CRADD: variants seen among roughly 807,000 people sequenced by gnomAD.
CRADD encodes death domain-containing protein CRADD.
In CRADD, 9 loss-of-function variants were observed where a neutral mutation model predicts 15.5. That is an observed-to-expected ratio of 0.58 (90% CI 0.35 to 1.01). The LOEUF is 1.01. CRADD is among the 50% of genes least tolerant of loss of function. The pLI is 0.02. For missense variants in CRADD, 227 were observed against 250.3 expected (o/e 0.91, Z 0.63); for synonymous variants, 118 against 107.6 (o/e 1.10, Z -0.60).
At chr12:93,893,790 G>A (rs1958593264) in intron 2 of CRADD, among the ~76,000 whole-genome samples, 1 of 151,776 alleles carries the variant, frequency 6.6e-6, no homozygotes, top group East Asian at 1.9e-4. Flanking sequence ...CCTGTAATCC[G>A]AGCTACTCTG....
intron 2 of CRADD, among the ~76,000 whole-genome samples, chr12:93,689,420 A>G (rs143330484): frequency 6.6e-6 from 1 of 152,314 alleles, no homozygotes; most frequent in African/African-American, 2.4e-5. Flanking sequence ...GAGTGTATAC[A>G]TATGATTCTT....
intron 2 of CRADD, among the ~76,000 whole-genome samples, chr12:93,727,589 T>C (rs1956390965): frequency 6.6e-6 from 1 of 152,214 alleles, no homozygotes; most frequent in African/African-American, 2.4e-5. Context: ...CCAGGCCAGT[T>C]AGCAACTGAA....
intron 2 of CRADD, among the ~76,000 whole-genome samples, chr12:93,752,419 G>T (rs1436053325): frequency 6.6e-6 from 1 of 152,166 alleles, no homozygotes; most frequent in African/African-American, 2.4e-5. Context: ...AACTACTGAG[G>T]CTATAGGCCC....
At chr12:93,735,792 G>T (rs1956556860) in intron 2 of CRADD, 1 of 149,852 alleles carries the variant, frequency 6.7e-6, no homozygotes, top group African/African-American at 2.5e-5. Context: ...AAAAATACTA[G>T]ATCTAGAACC....
intron 2 of CRADD, among the ~76,000 whole-genome samples, chr12:93,879,865 C>A (rs1470063516): frequency 6.6e-6 from 1 of 152,184 alleles, no homozygotes; most frequent in Admixed American, 6.5e-5. Context: ...TCTTGTCAAG[C>A]GTCCTACAAT....
intron 2 of CRADD, among the ~76,000 whole-genome samples, chr12:93,741,730 A>G (rs1956670069): frequency 6.6e-6 from 1 of 152,214 alleles, no homozygotes; most frequent in Non-Finnish European, 1.5e-5. Flanking sequence ...AGAGGCTGAT[A>G]AAATACTACT....
intron 2 of CRADD, among the ~76,000 whole-genome samples, chr12:93,754,008 G>A (rs1012260591): frequency 4.6e-5 from 7 of 152,226 alleles, no homozygotes; most frequent in Non-Finnish European, 5.9e-5. Context: ...TGAGCGCTCC[G>A]CCCCTGCAGC....
intron 2 of CRADD, among the ~76,000 whole-genome samples, chr12:93,868,313 C>G (rs561928033): frequency 1.3e-5 from 2 of 152,148 alleles, no homozygotes; most frequent in Middle Eastern, 6.8e-3. Flanking sequence ...CTTTTGTGGT[C>G]CACTCTTATA....
chr12:93,819,606 A>G (rs1052635649), intron 2 of CRADD, among the ~76,000 whole-genome samples: 1 of 152,252 alleles, frequency 6.6e-6, no homozygotes, highest in Non-Finnish European at 1.5e-5. Context: ...GAAAGTGAAT[A>G]TGATAGCTAT....
At chr12:93,681,429 T>C (rs1200386704) in intron 2 of CRADD, among the ~76,000 whole-genome samples, 2 of 152,220 alleles carry the variant, frequency 1.3e-5, no homozygotes, top group African/African-American at 2.4e-5. Flanking sequence ...TACAGTCATC[T>C]TAATTGTTTT....
At chr12:93,767,324 C>T (rs1054765812) in intron 2 of CRADD, among the ~76,000 whole-genome samples, 2 of 152,196 alleles carry the variant, frequency 1.3e-5, no homozygotes, top group Non-Finnish European at 2.9e-5. Context: ...GGATAAACGC[C>T]TTCCCTGGTT....
chr12:93,820,271 C>G (rs532181120), intron 2 of CRADD, among the ~76,000 whole-genome samples: 1 of 152,210 alleles, frequency 6.6e-6, no homozygotes, highest in Non-Finnish European at 1.5e-5. Flanking sequence ...TTACCCCTGC[C>G]CCATGGCTAG....
At chr12:93,803,282 GCT>G (rs1233111876) in intron 2 of CRADD, among the ~76,000 whole-genome samples, 1 of 152,104 alleles carries the variant, frequency 6.6e-6, no homozygotes, top group East Asian at 1.9e-4. Flanking sequence ...CCTCCCATAT[GCT>G]CTCTCTCTTT....
chr12:93,703,493 T>A (rs1183409079), intron 2 of CRADD, among the ~76,000 whole-genome samples: 1 of 151,886 alleles, frequency 6.6e-6, no homozygotes, highest in African/African-American at 2.4e-5. Flanking sequence ...CCCAGTTAGC[T>A]GGGACTACAG....
downstream of CRADD, among the ~76,000 whole-genome samples, chr12:93,852,723 G>A (rs1593045906): frequency 6.6e-6 from 1 of 152,198 alleles, no homozygotes; most frequent in African/African-American, 2.4e-5. Flanking sequence ...CAATTTCAGA[G>A]ACTGTTTATC....
intron 2 of CRADD, among the ~76,000 whole-genome samples, chr12:93,820,875 C>T (rs1344916567): frequency 2.0e-5 from 3 of 152,198 alleles, no homozygotes; most frequent in Non-Finnish European, 4.4e-5. Context: ...TGCAGTCCCA[C>T]GCTGTGTCAT....
chr12:93,686,172 G>C (rs1401987669), intron 2 of CRADD, among the ~76,000 whole-genome samples: 1 of 151,376 alleles, frequency 6.6e-6, no homozygotes, highest in Non-Finnish European at 1.5e-5. Context: ...GTGGTGGCAG[G>C]CACCTGTAAT....
intron 2 of CRADD, among the ~76,000 whole-genome samples, chr12:93,788,267 G>A (rs1456429793): frequency 6.6e-6 from 1 of 152,176 alleles, no homozygotes; most frequent in Non-Finnish European, 1.5e-5. Context: ...AGTACCCAGC[G>A]AAGGGAGAAA....
chr12:93,849,396 A>T (rs1958179375), intron 2 of CRADD: 1 of 152,762 alleles, frequency 6.5e-6, no homozygotes, highest in African/African-American at 2.4e-5. Context: ...GTTATTATCA[A>T]TGAGTTTTTC....
Sources: gnomAD v4.1 joint callset for allele counts (sites outside exome capture counted in the v4.1 genomes callset) on GRCh38, gnomAD v4.1.1 for gene constraint, MANE v1.5 for transcripts, NCBI Gene and HGNC (gene_info 2026-07-23, HGNC 2026-07-21) for gene names.